The following MAP3K3 variants were observed in gnomAD, a reference collection of about 807,000 sequenced individuals.
MAP3K3 encodes MAP/ERK kinase kinase 3.
In MAP3K3, 12 loss-of-function variants were observed where a neutral mutation model predicts 80.9. The observed-to-expected ratio is 0.15, with a 90% CI of 0.10 to 0.24. The LOEUF is 0.24. Among genes scored for constraint, MAP3K3 ranks in the 10% least tolerant of loss-of-function variants. The pLI is 1.00. For synonymous variants in MAP3K3, 272 were observed against 307.1 expected (o/e 0.89, Z 1.19); for missense variants, 596 against 834.7 (o/e 0.71, Z 3.52).
At chr17:63,676,738 C>A (rs2035227013) in intron 6 of MAP3K3, among the ~76,000 whole-genome samples, 2 of 152,304 alleles carry the variant, frequency 1.3e-5, no homozygotes, top group South Asian at 4.1e-4. Flanking sequence ...CTTCTGTAAT[C>A]AGGAAGCCAC....
intron 5 of MAP3K3, among the ~76,000 whole-genome samples, chr17:63,662,295 G>A (rs2034909852): frequency 6.6e-6 from 1 of 151,344 alleles, no homozygotes; most frequent in Admixed American, 6.6e-5. Context: ...CGTGCCTGTG[G>A]TCTTAGCTAC....
chr17:63,637,704 C>A (rs1200061924), intron 2 of MAP3K3, among the ~76,000 whole-genome samples: 1 of 152,110 alleles, frequency 6.6e-6, no homozygotes, highest in African/African-American at 2.4e-5. Context: ...TACTGTTTAT[C>A]TGATGATCTT....
intron 3 of MAP3K3, among the ~76,000 whole-genome samples, chr17:63,652,007 T>G (rs1005827229): frequency 9.2e-5 from 14 of 152,246 alleles, no homozygotes; most frequent in African/African-American, 3.4e-4. Context: ...GTTTTCTACC[T>G]TATTTCCTAA....
At chr17:63,688,994 T>C in intron 10 of MAP3K3, 113 bp downstream of exon 10, 1 of 756,608 alleles carries the variant, frequency 1.3e-6, no homozygotes, top group Admixed American at 2.2e-5. Context: ...CCTGAGGATT[T>C]GTGGCCCAGA....
rs538743267 is a variant in MAP3K3, at chr17:63,694,494, G to C, written c.*717G>C. On this transcript the variant is annotated 3_prime_UTR_variant, in exon 16 of 16. Coordinates refer to ENST00000361733, the MANE Select transcript of MAP3K3 (RefSeq NM_002401.5). ...CAGTTTTGTCAATGCAGTTGTCTCT[G>C]TTTTACAAGTTGGAGTCACTCTTAT... 6.5e-6 allele frequency: 1 copy of C among 152,822 alleles called. No homozygotes were observed. Among genetic ancestry groups the C allele is most frequent in the African/African-American group, 2.4e-5 (1 of 41,586 alleles). 9.5% of individuals were successfully genotyped at this position (152,822 alleles called of 1,614,324 possible).
chr17:63,652,059 A>G lies in MAP3K3; in HGVS notation c.168-498A>G, dbSNP rs142256878. Among the ~76,000 whole-genome samples, 20 of 152,272 alleles carry G rather than the reference A, an allele frequency of 1.3e-4. No individual in the cohort carries two copies. In the East Asian group the frequency reaches 3.7e-3, roughly 28 times the overall value. ...AACTTTTATTTAAGTTCTGGGGTAC[A>G]TGTGTAGGATGTGCAGGTTTGTTAC... On this transcript the variant is annotated intron_variant, in intron 3 of 15. Transcript: ENST00000361733.
intron 1 of MAP3K3, among the ~76,000 whole-genome samples, chr17:63,625,750 AT>A (rs1413458539): frequency 6.6e-6 from 1 of 152,194 alleles, no homozygotes; most frequent in African/African-American, 2.4e-5. Flanking sequence ...GATTTCTGAT[AT>A]TTTTAAAAAT....
intron 8 of MAP3K3, 36 bp downstream of exon 8, chr17:63,685,626 A>G: frequency 6.3e-7 from 1 of 1,582,364 alleles, no homozygotes; most frequent in Non-Finnish European, 8.7e-7. Context: ...GGTAATGCAT[A>G]GGCATTTTTG....
At chr17:63,657,142 C>T (rs1390867038) in intron 4 of MAP3K3, among the ~76,000 whole-genome samples, 1 of 151,988 alleles carries the variant, frequency 6.6e-6, no homozygotes, top group Non-Finnish European at 1.5e-5. Context: ...TCCTTTTCTG[C>T]TTGTTCTATT....
intron 3 of MAP3K3, 73 bp downstream of exon 3, chr17:63,646,147 G>T: frequency 2.2e-6 from 3 of 1,361,972 alleles, no homozygotes; most frequent in Admixed American, 3.5e-5. Flanking sequence ...GTTCATGGAA[G>T]TCATTCCCCT....
Position 63,658,844 on chromosome 17 carries a change from C to T in MAP3K3, c.381+937C>T, listed in dbSNP as rs546573812. ...CCGCCTCCTGGCTTCAAATGATTCTCCTGCTTCAGCCTCTCGAGTAGCTGG... is the reference window on the plus strand; with the variant it reads ...CCGCCTCCTGGCTTCAAATGATTCTTCTGCTTCAGCCTCTCGAGTAGCTGG... On this transcript the variant is annotated intron_variant, in intron 5 of 15. Coordinates refer to ENST00000361733, the MANE Select transcript of MAP3K3 (RefSeq NM_002401.5). Among the ~76,000 whole-genome samples, 89 of 151,732 alleles carry T rather than the reference C, an allele frequency of 5.9e-4. 2 individuals are homozygous for T. Among genetic ancestry groups the T allele is most frequent in the African/African-American group, 2.1e-3 (86 of 41,312 alleles).
At chr17:63,667,466 CTT>C (rs551395245) in intron 6 of MAP3K3, among the ~76,000 whole-genome samples, 3 of 152,098 alleles carry the variant, frequency 2.0e-5, no homozygotes, top group Non-Finnish European at 4.4e-5. Context: ...CCTGAGAAGT[CTT>C]TATACTTCAG....
rs1008462811 is a variant in MAP3K3 at position 63,666,931 on chromosome 17, C to G, written c.382-9C>G. 5 of 1,612,406 alleles carry G rather than the reference C, an allele frequency of 3.1e-6. No individual in the cohort carries two copies. The highest frequency in any genetic ancestry group is 1.1e-5 in the South Asian group (1 of 90,768). ...GATGTAGCTTGGCCTTTTTCCTCTT[C>G]TTTTACAGAACAGTTCCTCTCCCCA... On this transcript the variant is annotated splice_polypyrimidine_tract_variant and intron_variant, in intron 5 of 15. Coordinates refer to ENST00000361733, the MANE Select transcript of MAP3K3 (RefSeq NM_002401.5).
chr17:63,655,148 A>G (rs2034740624), intron 4 of MAP3K3, among the ~76,000 whole-genome samples: 1 of 152,180 alleles, frequency 6.6e-6, no homozygotes. Flanking sequence ...ATCATGATGG[A>G]AGGGAAAGCA....
chr17:63,693,871 C>G lies in MAP3K3; in HGVS notation c.*94C>G. On this transcript the variant is annotated 3_prime_UTR_variant, in exon 16 of 16. Coordinates refer to ENST00000361733, the MANE Select transcript of MAP3K3 (RefSeq NM_002401.5). The surrounding 1 kb of genome is among the most constrained non-coding windows in gnomAD (Gnocchi z 4.2). ...AAGTTGCTGCTTCTCCCAGGCAAGG[C>G]TGTGGACCATGGAGTGGCAGCCCAG... 1 of 1,148,498 alleles carries G rather than the reference C, an allele frequency of 8.7e-7. No individual in the cohort carries two copies. The highest frequency in any genetic ancestry group is 1.2e-6 in the Non-Finnish European group (1 of 810,928). 71.1% of individuals were successfully genotyped at this position (1,148,498 alleles called of 1,614,324 possible).
rs1242875390 is a variant in MAP3K3 at position 63,667,076 on chromosome 17, CT to C, written c.502+22del. 1 of 1,563,376 alleles carries C rather than the reference CT, an allele frequency of 6.4e-7. No homozygotes were observed. The highest frequency in any genetic ancestry group is 8.6e-7 in the Non-Finnish European group (1 of 1,160,486). On this transcript the variant is annotated intron_variant, in intron 6 of 15. Coordinates refer to ENST00000361733, the MANE Select transcript of MAP3K3 (RefSeq NM_002401.5). ...CTCTCTGTCAGTGAGTATTTCAACC[CT>C]TTTTTCTCCCCCTCTATTTTATCTG...
intron 1 of MAP3K3, among the ~76,000 whole-genome samples, chr17:63,624,720 A>G (rs1420839524): frequency 6.6e-6 from 1 of 152,260 alleles, no homozygotes; most frequent in East Asian, 1.9e-4. Flanking sequence ...GCAGTATATT[A>G]GGCAAGCTAG....
chr17:63,671,260 CTT>C (rs56093750), intron 6 of MAP3K3, among the ~76,000 whole-genome samples: 13 of 141,102 alleles, frequency 9.2e-5, no homozygotes, highest in Admixed American at 1.4e-4. Context: ...AAATTATTTT[CTT>C]TTTTTTTTTT....
At position 63,691,190 on chromosome 17, in the gene MAP3K3, G is replaced by A. The variant is rs371837391; in HGVS notation, c.1301G>A (p.Arg434His). The change falls in exon 13 of 16, where the codon CGC (arginine) becomes CAC (histidine). Residue 434 changes from arginine (R) to histidine (H), a missense_variant. Coordinates refer to ENST00000361733, the MANE Select transcript of MAP3K3 (RefSeq NM_002401.5). The surrounding 1 kb of genome is among the most constrained non-coding windows in gnomAD (Gnocchi z 4.8). ...IVQYYGCLRD[R>H]AEKTLTIFME... ...CAGTACTATGGCTGTCTGCGGGACC[G>A]CGCTGAGAAGACCCTGACCATCTTC... is the stretch of plus-strand genomic sequence containing the variant. 75 of 1,614,082 alleles carry A rather than the reference G, an allele frequency of 4.6e-5. No homozygotes were observed. The highest frequency in any genetic ancestry group is 3.3e-4 in the Middle Eastern group (2 of 6,084).
Sources: allele counts gnomAD v4.1 joint callset (sites outside exome capture counted in the v4.1 genomes callset), GRCh38; gene constraint gnomAD v4.1.1; non-coding constraint Gnocchi (gnomAD v3.1); transcripts MANE v1.5; gene names NCBI Gene and HGNC (gene_info 2026-07-23, HGNC 2026-07-21).